ROS1: variants seen among roughly 807,000 people sequenced by gnomAD.
The protein encoded by ROS1 is ROS proto-oncogene 1, receptor tyrosine kinase.
ROS1 carries 263 observed loss-of-function variants against 273.5 expected under a neutral mutation model. The observed-to-expected ratio is 0.96, with a 90% CI of 0.87 to 1.06. ROS1 has a LOEUF of 1.06. ROS1 is among the 50% of genes least tolerant of loss of function. The probability of loss-of-function intolerance (pLI) is 0.00; values close to 1 mark genes in which losing one functional copy is unlikely to be tolerated. For missense variants in ROS1, 2,833 were observed against 2,751.1 expected, an observed-to-expected ratio of 1.03 and a Z score of -0.67; for synonymous variants, 1,008 against 954.1, an observed-to-expected ratio of 1.06 and a Z score of -1.04.
chr6:117,351,587 T>C (rs982489871), intron 27 of ROS1, among the ~76,000 whole-genome samples: 4 of 152,158 alleles, frequency 2.6e-5, no homozygotes, highest in Non-Finnish European at 5.9e-5. Flanking sequence ...ACAGTTTGGA[T>C]TTTTCTACCA....
Position 117,344,190 on chromosome 6 carries a change from G to A in ROS1, c.4376C>T (p.Thr1459Ile). 6.2e-7 allele frequency: 1 copy of A among 1,613,996 alleles called. No individual in the cohort carries two copies. Among genetic ancestry groups the A allele is most frequent in the African/African-American group, 1.3e-5 (1 of 75,030 alleles). Residue 1459 changes from threonine (T) to isoleucine (I), a missense_variant, in exon 28 of 44, where the codon ACA (threonine) becomes ATA (isoleucine). Coordinates refer to ENST00000368507, the MANE Select transcript of ROS1 (RefSeq NM_001378902.1). ...TGTCTTGGCCAGAGGTAATCTGATT[G>A]TGAGGCTAGTGTTAGTGGCATTAAG... ...TILNATNTSL[T>I]IRLPLAKTNL...
chr6:117,367,695 T>C (rs1300213156), intron 18 of ROS1, among the ~76,000 whole-genome samples: 1 of 152,192 alleles, frequency 6.6e-6, no homozygotes, highest in African/African-American at 2.4e-5. Context: ...TTATTAAATG[T>C]TTGACTTCAG....
At chr6:117,312,484 G>A (rs777406517) in intron 39 of ROS1, among the ~76,000 whole-genome samples, 7 of 152,004 alleles carry the variant, frequency 4.6e-5, no homozygotes, top group African/African-American at 7.2e-5. Context: ...ATCATGGCCC[G>A]TATCTGAGTC....
At chr6:117,295,597 AG>A (rs1274487362) in intron 43 of ROS1, among the ~76,000 whole-genome samples, 3 of 152,232 alleles carry the variant, frequency 2.0e-5, no homozygotes, top group Non-Finnish European at 4.4e-5. Flanking sequence ...CCATCTGACA[AG>A]GGGTTAATAA....
At chr6:117,385,913 A>C in intron 15 of ROS1, 52 bp from the exon 16 acceptor site, 1 of 1,452,158 alleles carries the variant, frequency 6.9e-7, no homozygotes, top group Non-Finnish European at 9.7e-7. Flanking sequence ...ACCAACAAAA[A>C]CATAATGAGT....
rs763595603 is a variant in ROS1 at position 117,394,710 on chromosome 6, TA to T, written c.911del (p.Leu304TyrfsTer7). ...TCTTTCTTAGAGAAGTTTTTCTGGA[TA>T]AAAAGAGCCACTGTTCCTCTTGTTG... ...AVQQEEQWLFLSRKTSLRKRS... is the reference protein window; with the variant it reads ...AVQQEEQWLFXSRKTSLRKRS... On this transcript the variant is annotated frameshift_variant, in exon 10 of 44. Coordinates refer to ENST00000368507, the MANE Select transcript of ROS1 (RefSeq NM_001378902.1). LOFTEE classifies it high-confidence loss of function. 20 of 1,610,888 alleles carry T rather than the reference TA, an allele frequency of 1.2e-5. No individual in the cohort carries two copies. The highest frequency in any genetic ancestry group is 9.4e-5 in the African/African-American group (7 of 74,712).
chr6:117,342,119 C>T lies in ROS1; in HGVS notation c.4651+281G>A, dbSNP rs755970145. Among the ~76,000 whole-genome samples, 2 of 152,226 alleles carry T rather than the reference C, an allele frequency of 1.3e-5. 1 individual carries two copies. Among genetic ancestry groups the T allele is most frequent in the South Asian group, 4.1e-4 (2 of 4,830 alleles). ...CTATGAGTATCTGGAAAAAGTGACA[C>T]TGTGTGGTGAGACCAAATAATGTGT... On this transcript the variant is annotated intron_variant, in intron 29 of 43. Transcript: ENST00000368507.
chr6:117,306,317 C>T (rs1421646730), intron 42 of ROS1, among the ~76,000 whole-genome samples: 5 of 151,998 alleles, frequency 3.3e-5, no homozygotes, highest in Non-Finnish European at 7.4e-5. Flanking sequence ...ACATGGTGAA[C>T]CTCTGTGTTC....
chr6:117,372,228 T>C (rs761650114), intron 18 of ROS1, among the ~76,000 whole-genome samples: 6 of 152,076 alleles, frequency 3.9e-5, no homozygotes, highest in Non-Finnish European at 8.8e-5. Context: ...TTCAACATAG[T>C]ACTGGAAGTC....
chr6:117,291,258 T>A (rs3798366), intron 43 of ROS1, among the ~76,000 whole-genome samples: 14,764 of 152,232 alleles, frequency 0.097, 779 homozygotes, highest in East Asian at 0.17. Flanking sequence ...TCTAAATTGT[T>A]ATAGTTTGAT....
rs1401258157 is a variant in ROS1, at chr6:117,394,650, G to A, written c.972C>T (p.Cys324=). ...SLKHLVDEAH[C]LRLDAIYHNI... ...TATGGTATATAGCATCCAACCGAAG[G>A]CAATGTGCTTCATCTACTAAATGTT... Residue 324 remains cysteine, a synonymous_variant, in exon 10 of 44, where the codon TGC becomes TGT. Coordinates refer to ENST00000368507, the MANE Select transcript of ROS1 (RefSeq NM_001378902.1). 1 of 1,610,814 alleles carries A rather than the reference G, an allele frequency of 6.2e-7. No homozygotes were observed. Among genetic ancestry groups the A allele is most frequent in the Non-Finnish European group, 8.5e-7 (1 of 1,177,982 alleles).
Position 117,353,155 on chromosome 6 carries a change from C to T in ROS1, c.4138G>A (p.Val1380Ile), listed in dbSNP as rs763408577. The change falls in exon 27 of 44, where the codon GTT becomes ATT. Residue 1380 changes from valine (V) to isoleucine (I), a missense_variant. Transcript: ENST00000368507. ...AGATCTCCATCCACAGTTAAGCTAACAAGGGTTTTTCCTGCTGTTAAAAAC... is the reference window on the plus strand; with the variant it reads ...AGATCTCCATCCACAGTTAAGCTAATAAGGGTTTTTCCTGCTGTTAAAAAC... The part of the protein sequence containing the change: ...TVPAMLGKTL[V>I]SLTVDGDLIY... 6.2e-7 allele frequency: 1 copy of T among 1,605,540 alleles called. No homozygotes were observed. Among genetic ancestry groups the T allele is most frequent in the East Asian group, 2.2e-5 (1 of 44,628 alleles).
Position 117,400,440 on chromosome 6 carries a change from T to C in ROS1, c.604+2699A>G, listed in dbSNP as rs184344991. 1.8e-3 allele frequency among the ~76,000 whole-genome samples: 279 copies of C among 152,310 alleles called. 4 individuals carry two copies. Among genetic ancestry groups the C allele is most frequent in the Middle Eastern group, 0.01 (3 of 294 alleles). ...GAATATATTTTGAACAAGAGAACAA[T>C]AACATTTATTTAGAGCTAGAATTGC... On this transcript the variant is annotated intron_variant, in intron 7 of 43. Transcript: ENST00000368507.
chr6:117,329,900 T>C (rs1776949829), intron 32 of ROS1, among the ~76,000 whole-genome samples: 4 of 152,114 alleles, frequency 2.6e-5, no homozygotes, highest in Admixed American at 2.6e-4. Context: ...AACCCTAGAA[T>C]GTACAGATTC....
rs1344921218 is a variant in ROS1 at position 117,287,656 on chromosome 6, C to T, written c.*836G>A. Among the ~76,000 whole-genome samples, 1 of 152,176 alleles carries T rather than the reference C, an allele frequency of 6.6e-6. No homozygotes were observed. ...AATATATATCGGCTAGGCATGGTGG[C>T]TCACACCTGTAATCCAGCACTTTGG... On this transcript the variant is annotated 3_prime_UTR_variant, in exon 44 of 44. Coordinates refer to ENST00000368507, the MANE Select transcript of ROS1 (RefSeq NM_001378902.1).
intron 18 of ROS1, among the ~76,000 whole-genome samples, chr6:117,369,849 ATG>A (rs759802130): frequency 2.6e-5 from 4 of 151,926 alleles, no homozygotes; most frequent in South Asian, 2.1e-4. Context: ...TATAGGCATT[ATG>A]TGTGTGTGTG....
chr6:117,342,338 C>A (rs1033973844), intron 29 of ROS1, 62 bp downstream of exon 29: 130 of 1,426,706 alleles, frequency 9.1e-5, no homozygotes, highest in Non-Finnish European at 1.2e-4. Context: ...TAAACATCAA[C>A]ATACACAGCA....
intron 16 of ROS1, among the ~76,000 whole-genome samples, chr6:117,385,352 C>T (rs748873281): frequency 9.2e-5 from 14 of 152,040 alleles, no homozygotes; most frequent in Non-Finnish European, 1.5e-4. Context: ...GTCAGGAGTT[C>T]GAGACCAGCC....
intron 16 of ROS1, among the ~76,000 whole-genome samples, chr6:117,384,204 C>T (rs1002822536): frequency 3.3e-5 from 5 of 152,148 alleles, no homozygotes; most frequent in Admixed American, 3.3e-4. Flanking sequence ...CAATTTCATT[C>T]TGCTTGCACA....
Sources: allele counts gnomAD v4.1 joint callset (sites outside exome capture counted in the v4.1 genomes callset), GRCh38; gene constraint gnomAD v4.1.1; transcripts MANE v1.5; gene names NCBI Gene and HGNC (gene_info 2026-07-23, HGNC 2026-07-21).